PCDHA2: variants seen among roughly 807,000 people sequenced by gnomAD.
PCDHA2 encodes the protein protocadherin alpha 2.
Under a neutral mutation model 66.0 loss-of-function variants are expected in PCDHA2, and 58 were observed. That is an observed-to-expected ratio of 0.88 (90% confidence interval 0.71 to 1.09). The LOEUF (loss-of-function observed/expected upper bound fraction) is 1.09. PCDHA2 is among the 50% of genes least tolerant of loss of function. The pLI is 0.00. For synonymous variants in PCDHA2, 634 were observed against 554.0 expected (o/e 1.14, Z -2.03); for missense variants, 1,267 against 1,242.3 (o/e 1.02, Z -0.30).
At position 140,795,847 on chromosome 5, in the gene PCDHA2, A is replaced by G; in HGVS notation, c.883A>G (p.Ile295Val). 1 of 1,613,966 alleles carries G rather than the reference A, an allele frequency of 6.2e-7. No individual in the cohort carries two copies. Residue 295 changes from isoleucine to valine, a missense_variant, in exon 1 of 4, where the codon ATA becomes GTA. By Grantham distance (29) the Ile-to-Val change is conservative (BLOSUM62 3). Transcript: ENST00000526136. ...CTCCACTATACAGACTAAGTTTACC[A>G]TAGATCCCATCTCAGGGGAAATCAG... ...VSSTIQTKFT[I>V]DPISGEIRTK...
At chr5:140,839,867 G>A (rs996407179) in intron 1 of PCDHA2, among the ~76,000 whole-genome samples, 1 of 151,988 alleles carries the variant, frequency 6.6e-6, no homozygotes, top group Non-Finnish European at 1.5e-5. Flanking sequence ...GGTGGACTTT[G>A]AAAGATGAAT....
chr5:140,935,563 C>T (rs1554210554), intron 1 of PCDHA2, among the ~76,000 whole-genome samples: 1 of 152,176 alleles, frequency 6.6e-6, no homozygotes. Context: ...GGAAAAGTTC[C>T]TCTCTGTGTA....
chr5:140,989,253 G>A (rs886150768), intron 3 of PCDHA2, among the ~76,000 whole-genome samples: 4 of 152,194 alleles, frequency 2.6e-5, no homozygotes, highest in Non-Finnish European at 1.5e-5. Flanking sequence ...CTTGTCAAAA[G>A]GGAGATTCAA....
intron 1 of PCDHA2, chr5:140,929,343 A>G (rs1204297753): frequency 2.0e-6 from 3 of 1,531,032 alleles, no homozygotes; most frequent in Non-Finnish European, 2.6e-6. Context: ...AATTTTATGG[A>G]ATTTGATTCC....
At chr5:140,841,906 A>G in intron 1 of PCDHA2, 1 of 1,613,880 alleles carries the variant, frequency 6.2e-7, no homozygotes, top group Non-Finnish European at 8.5e-7. Context: ...TTGAGCTCGT[A>G]TTAAGAAAAT....
At chr5:140,967,910 A>G (rs2096197842) in intron 1 of PCDHA2, 1 of 1,613,996 alleles carries the variant, frequency 6.2e-7, no homozygotes, top group Non-Finnish European at 8.5e-7. Flanking sequence ...TACACCCAAC[A>G]CCATTGTGGC....
chr5:140,849,863 G>T (rs2150454576), intron 1 of PCDHA2: 1 of 1,598,620 alleles, frequency 6.3e-7, no homozygotes, highest in East Asian at 2.2e-5. Flanking sequence ...CAGCGTTCGC[G>T]CAGTCCGAGT....
intron 1 of PCDHA2, chr5:140,870,783 C>A: frequency 6.2e-7 from 1 of 1,613,598 alleles, no homozygotes; most frequent in Non-Finnish European, 8.5e-7. Context: ...AGAACGACAA[C>A]GCGCCGGCAC....
intron 1 of PCDHA2, chr5:140,802,989 G>A: frequency 6.2e-7 from 1 of 1,614,030 alleles, no homozygotes; most frequent in East Asian, 2.2e-5. Context: ...GCGCGCAGTG[G>A]ATGCAGACTC....
In PCDHA2 at chr5:140,823,200, G is replaced by T. The variant is rs2150123368; in HGVS notation, c.2388+25848G>T. ...ACCCGCCAGGCTGCCACATCTTCAC[G>T]GTGTCTGCACGGGACGCGGACGCGC... On this transcript the variant is annotated intron_variant, in intron 1 of 3. Transcript: ENST00000526136. The T allele has an allele frequency of 9.9e-6, 16 of 1,613,742 alleles. No individual in the cohort carries two copies. In the South Asian group the frequency reaches 1.6e-4, roughly 17 times the overall value.
chr5:140,915,463 T>C (rs2077131577), intron 1 of PCDHA2, among the ~76,000 whole-genome samples: 1 of 152,184 alleles, frequency 6.6e-6, no homozygotes, highest in East Asian at 1.9e-4. Flanking sequence ...AGAAGGTTTT[T>C]ATTTGAAGGA....
Position 141,010,446 on chromosome 5 carries a change from C to A in PCDHA2, c.*509C>A. On this transcript the variant is annotated 3_prime_UTR_variant, in exon 4 of 4. Coordinates refer to ENST00000526136, the MANE Select transcript of PCDHA2 (RefSeq NM_018905.3). ...AGGCAAGAAAACAAAGACAAATAAA[C>A]AGCGGAAGTTATCAGTATGGAGGGG... 1 of 944,706 alleles carries A rather than the reference C, an allele frequency of 1.1e-6. No homozygotes were observed. The highest frequency in any genetic ancestry group is 1.7e-5 in the African/African-American group (1 of 60,424). The allele number at this position is 944,706 out of a possible 1,614,324, so 58.5% of individuals were successfully genotyped here.
chr5:141,008,654 C>T (rs1554261865), intron 3 of PCDHA2, among the ~76,000 whole-genome samples: 1 of 152,124 alleles, frequency 6.6e-6, no homozygotes, highest in Non-Finnish European at 1.5e-5. Context: ...TTCTGGAGTC[C>T]CACAATACTT....
chr5:140,800,282 T>C (rs868910856), intron 1 of PCDHA2, among the ~76,000 whole-genome samples: 5 of 152,100 alleles, frequency 3.3e-5, no homozygotes, highest in Admixed American at 1.3e-4. Flanking sequence ...AATTTCTCTG[T>C]AAAGGACCGA....
At chr5:140,838,074 TATAGTGTG>T (rs1468306192) in intron 1 of PCDHA2, among the ~76,000 whole-genome samples, 3 of 120,528 alleles carry the variant, frequency 2.5e-5, no homozygotes, top group Non-Finnish European at 3.4e-5. Context: ...GTTATATATA[TATAGTGTG>T]TGTGTGTGTG....
At position 140,803,137 on chromosome 5, in the gene PCDHA2, T is replaced by C. The variant is rs149374718; in HGVS notation, c.2388+5785T>C. On this transcript the variant is annotated intron_variant, in intron 1 of 3. Coordinates refer to ENST00000526136, the MANE Select transcript of PCDHA2 (RefSeq NM_018905.3). ...GAGGTGGACGCCCCGCGCCATCGCC[T>C]ACTGGTGCTGGTGAAGGACCACGGT... The C allele has an allele frequency of 6.1e-4, 989 of 1,613,848 alleles. 3 individuals carry two copies. The Middle Eastern group carries it at 8.6e-3, about 14-fold the overall frequency.
rs150142414 is a variant in PCDHA2, at chr5:140,941,961, T to C, written c.2389-36988T>C. 4.6e-3 allele frequency among the ~76,000 whole-genome samples: 702 copies of C among 152,326 alleles called. 3 individuals are homozygous for C. Among genetic ancestry groups the C allele is most frequent in the African/African-American group, 0.016 (679 of 41,550 alleles). On this transcript the variant is annotated intron_variant, in intron 1 of 3. Transcript: ENST00000526136. Reference sequence around the variant, plus strand: ...TACTTTTGTTTTGAAAACAATAGTATCTTTACTTTCCCTAAACCTTGATAA... The same window carrying C: ...TACTTTTGTTTTGAAAACAATAGTACCTTTACTTTCCCTAAACCTTGATAA...
chr5:140,809,413 C>T, intron 1 of PCDHA2: 2 of 1,614,222 alleles, frequency 1.2e-6, no homozygotes, highest in Non-Finnish European at 8.5e-7. Flanking sequence ...TGGTGTGCTC[C>T]AGTGCGGTGG....
chr5:140,978,217 A>G (rs1554239114), intron 1 of PCDHA2, among the ~76,000 whole-genome samples: 2 of 152,222 alleles, frequency 1.3e-5, no homozygotes, highest in East Asian at 1.9e-4. Flanking sequence ...TGCAAAATGT[A>G]TCAGGTTTTT....
Sources: allele counts gnomAD v4.1 joint callset (sites outside exome capture counted in the v4.1 genomes callset), GRCh38; gene constraint gnomAD v4.1.1; transcripts MANE v1.5; gene names NCBI Gene and HGNC (gene_info 2026-07-23, HGNC 2026-07-21).